The following MAP2 variants were observed in gnomAD, a reference collection of about 807,000 sequenced individuals.
MAP2 encodes the protein microtubule associated protein 2.
In MAP2, 14 loss-of-function variants were observed where a neutral mutation model predicts 137.6. That is an observed-to-expected ratio of 0.10 (90% CI 0.07 to 0.16). The LOEUF (loss-of-function observed/expected upper bound fraction) is 0.16, where lower values mean the gene tolerates loss of function less well. Ranked by LOEUF, MAP2 falls within the 10% of genes least tolerant of loss-of-function variation. MAP2 has a pLI of 1.00. For synonymous variants in MAP2, 786 were observed against 782.3 expected (o/e 1.00, Z -0.08); for missense variants, 2,088 against 2,191.5 (o/e 0.95, Z 0.94).
At chr2:209,651,268 C>G (rs1228674694) in intron 4 of MAP2, among the ~76,000 whole-genome samples, 1 of 152,124 alleles carries the variant, frequency 6.6e-6, no homozygotes, top group Non-Finnish European at 1.5e-5. Flanking sequence ...ATGCTCTCTT[C>G]TCATTAGGCT....
chr2:209,453,831 A>C (rs1235685339), intron 1 of MAP2, among the ~76,000 whole-genome samples: 1 of 152,066 alleles, frequency 6.6e-6, no homozygotes, highest in Non-Finnish European at 1.5e-5. Context: ...ATGGCACTAT[A>C]TGATAACCTT....
intron 3 of MAP2, among the ~76,000 whole-genome samples, chr2:209,584,897 A>C (rs1423583656): frequency 6.6e-6 from 1 of 152,034 alleles, no homozygotes; most frequent in Non-Finnish European, 1.5e-5. Flanking sequence ...AAAAAAGCAA[A>C]GGGAGAAAGT....
chr2:209,670,837 T>C (rs1476692337), intron 5 of MAP2, among the ~76,000 whole-genome samples: 4 of 151,354 alleles, frequency 2.6e-5, no homozygotes, highest in South Asian at 4.1e-4. Context: ...AGAAGAAAAA[T>C]AAAACATGTC....
At chr2:209,633,905 T>C (rs2093330704) in intron 4 of MAP2, among the ~76,000 whole-genome samples, 1 of 152,180 alleles carries the variant, frequency 6.6e-6, no homozygotes, top group Admixed American at 6.6e-5. Flanking sequence ...CTTCTGTTTT[T>C]TACCATCTCA....
At position 209,730,614 on chromosome 2, in the gene MAP2, A is replaced by G. The variant is rs985716724; in HGVS notation, c.*217A>G. 7.4e-6 allele frequency: 4 copies of G among 543,450 alleles called. No homozygotes were observed. Among genetic ancestry groups the G allele is most frequent in the Non-Finnish European group, 1.3e-5 (4 of 303,770 alleles). 33.7% of individuals were successfully genotyped at this position (543,450 alleles called of 1,614,324 possible). ...TGCAACAGGAAGACACTGGCTTTAC[A>G]TGGGTTCAATTGGACAATTATTTTT... On this transcript the variant is annotated 3_prime_UTR_variant, in exon 16 of 16. Transcript: ENST00000682079.
At chr2:209,492,859 C>G (rs1329347269) in intron 1 of MAP2, among the ~76,000 whole-genome samples, 1 of 152,184 alleles carries the variant, frequency 6.6e-6, no homozygotes, top group African/African-American at 2.4e-5. Context: ...AATGGCCATA[C>G]TGCCCAATGT....
chr2:209,627,362 T>C (rs1407375151), intron 4 of MAP2, among the ~76,000 whole-genome samples: 1 of 152,168 alleles, frequency 6.6e-6, no homozygotes, highest in Non-Finnish European at 1.5e-5. Context: ...AACTTTTATT[T>C]TCTGAGAGAA....
intron 2 of MAP2, among the ~76,000 whole-genome samples, chr2:209,564,887 A>T (rs2073065147): frequency 6.6e-6 from 1 of 151,894 alleles, no homozygotes; most frequent in South Asian, 2.1e-4. Flanking sequence ...AGATGCCCAT[A>T]CTGTTCTGTT....
chr2:209,552,447 T>C (rs1274800107), intron 2 of MAP2, among the ~76,000 whole-genome samples: 1 of 152,210 alleles, frequency 6.6e-6, no homozygotes, highest in African/African-American at 2.4e-5. Flanking sequence ...ACATCAGGGC[T>C]TAGAATGAAA....
intron 7 of MAP2, among the ~76,000 whole-genome samples, chr2:209,681,412 C>A (rs943768160): frequency 6.6e-6 from 1 of 152,088 alleles, no homozygotes; most frequent in African/African-American, 2.4e-5. Flanking sequence ...CTGTTGAGAC[C>A]TGTTATTGTC....
chr2:209,688,421 G>A (rs113045657), intron 7 of MAP2, among the ~76,000 whole-genome samples: 70 of 152,058 alleles, frequency 4.6e-4, no homozygotes, highest in African/African-American at 1.6e-3. Flanking sequence ...TTTCTTTTTA[G>A]TGCTATATTA....
intron 13 of MAP2, among the ~76,000 whole-genome samples, chr2:209,712,010 A>G (rs1172922552): frequency 6.6e-6 from 1 of 152,126 alleles, no homozygotes; most frequent in Non-Finnish European, 1.5e-5. Flanking sequence ...TAAAACTAAC[A>G]AAAGTAATTA....
intron 1 of MAP2, among the ~76,000 whole-genome samples, chr2:209,435,973 A>AATATATACAGTATATATTATATACT (rs1346732999): frequency 8.3e-6 from 1 of 120,948 alleles, no homozygotes; most frequent in East Asian, 2.1e-4. Flanking sequence ...TATTATATAT[A>AATATATACAGTATATATTATATACT]ATATATACAG....
At chr2:209,703,032 C>T (rs923113814) in intron 11 of MAP2, among the ~76,000 whole-genome samples, 2 of 152,096 alleles carry the variant, frequency 1.3e-5, no homozygotes, top group Non-Finnish European at 2.9e-5. Context: ...AGCCATACAT[C>T]CTTCCCAATT....
chr2:209,554,652 A>G (rs957142663), intron 2 of MAP2, among the ~76,000 whole-genome samples: 1 of 151,996 alleles, frequency 6.6e-6, no homozygotes. Flanking sequence ...CAGGTGGCTG[A>G]GGTGGGAGGA....
At chr2:209,666,285 G>A (rs2046272017) in intron 5 of MAP2, among the ~76,000 whole-genome samples, 3 of 151,852 alleles carry the variant, frequency 2.0e-5, no homozygotes, top group African/African-American at 4.8e-5. Flanking sequence ...ATTTTCTCCA[G>A]GCCAGTTCTC....
intron 1 of MAP2, among the ~76,000 whole-genome samples, chr2:209,499,026 C>G (rs1170921316): frequency 6.6e-6 from 1 of 152,188 alleles, no homozygotes; most frequent in Non-Finnish European, 1.5e-5. Flanking sequence ...CTTTTTCTTT[C>G]TCTGCCACAT....
At chr2:209,686,555 A>G (rs2057084476) in intron 7 of MAP2, among the ~76,000 whole-genome samples, 1 of 152,232 alleles carries the variant, frequency 6.6e-6, no homozygotes, top group Non-Finnish European at 1.5e-5. Context: ...ATCTCAATAT[A>G]AGTAAATAAA....
chr2:209,518,401 G>T (rs1279133079), intron 2 of MAP2, among the ~76,000 whole-genome samples: 1 of 151,966 alleles, frequency 6.6e-6, no homozygotes, highest in Non-Finnish European at 1.5e-5. Flanking sequence ...TAGGTAAATA[G>T]AATTTATATA....
Sources: allele counts gnomAD v4.1 joint callset (sites outside exome capture counted in the v4.1 genomes callset), GRCh38; gene constraint gnomAD v4.1.1; transcripts MANE v1.5; gene names NCBI Gene and HGNC (gene_info 2026-07-23, HGNC 2026-07-21).